ALOX15B: variants seen among roughly 807,000 people sequenced by gnomAD.
The protein encoded by ALOX15B is arachidonate 15-lipoxygenase type B.
ALOX15B carries 74 observed loss-of-function variants against 73.8 expected under a neutral mutation model. The ratio of observed to expected loss-of-function variants is 1.00; its 90% CI spans 0.83 to 1.22. ALOX15B has a LOEUF of 1.22. Ranked by LOEUF, ALOX15B falls within the 50% of genes most tolerant of loss-of-function variation. ALOX15B has a pLI of 0.00. For missense variants in ALOX15B, 896 were observed against 859.9 expected (o/e 1.04, Z -0.52); for synonymous variants, 353 against 357.2 (o/e 0.99, Z 0.13).
chr17:8,042,923 G>A, intron 5 of ALOX15B, 39 bp downstream of exon 5: 1 of 1,497,214 alleles, frequency 6.7e-7, no homozygotes, highest in South Asian at 1.2e-5. Flanking sequence ...CTCTTTCCTG[G>A]GGCATCAGCT....
At chr17:8,040,032 G>C in intron 3 of ALOX15B, 49 bp downstream of exon 3, 3 of 1,566,954 alleles carry the variant, frequency 1.9e-6, no homozygotes, top group Non-Finnish European at 2.6e-6. Flanking sequence ...ACGATGAGGG[G>C]CAGCTTGAGT....
At position 8,048,920 on chromosome 17, in the gene ALOX15B, A is replaced by G. The variant is rs952662067; in HGVS notation, c.*355A>G. ...AGCACATAATCCCGCCCCAGGGCCC[A>G]CTAGCATCCACTGATTGGACCTTAT... On this transcript the variant is annotated 3_prime_UTR_variant, in exon 14 of 14. Coordinates refer to ENST00000380183, the MANE Select transcript of ALOX15B (RefSeq NM_001141.3). 4.5e-5 allele frequency: 8 copies of G among 177,608 alleles called. No homozygotes were observed. The highest frequency in any genetic ancestry group is 1.7e-4 in the African/African-American group (7 of 42,186). The allele number at this position is 177,608 out of a possible 1,614,324, so 11.0% of individuals were successfully genotyped here.
chr17:8,048,035 C>T, intron 13 of ALOX15B, 120 bp downstream of exon 13: 1 of 1,182,654 alleles, frequency 8.5e-7, no homozygotes, highest in Non-Finnish European at 1.2e-6. Flanking sequence ...CCCCACTGAC[C>T]CTCCAGTGGG....
Position 8,047,266 on chromosome 17 carries a change from C to G in ALOX15B, c.1466C>G (p.Ser489Cys), listed in dbSNP as rs1460490422. ...ACCTGGATGCATTGCAGCTTTGTCT[C>G]TGAAATCATCGGTATCTACTACCCA... ...QIWGAVERFV[S>C]EIIGIYYPSD... The change falls in exon 11 of 14, where the codon TCT (serine) becomes TGT (cysteine). Residue 489 changes from serine to cysteine, a missense_variant. Ser to Cys is a moderately radical substitution (Grantham distance 112, BLOSUM62 -1). Transcript: ENST00000380183. The G allele has an allele frequency of 6.2e-7, 1 of 1,614,040 alleles. No homozygotes were observed. The highest frequency in any genetic ancestry group is 1.7e-5 in the Admixed American group (1 of 60,014).
intron 3 of ALOX15B, among the ~76,000 whole-genome samples, chr17:8,040,606 A>G (rs1052049305): frequency 9.3e-6 from 1 of 107,108 alleles, no homozygotes; most frequent in Non-Finnish European, 2.1e-5. Context: ...AGAGAGAGAA[A>G]GAAAGAAAGA....
intron 8 of ALOX15B, 39 bp from the exon 9 acceptor site, chr17:8,046,629 C>G: frequency 6.3e-7 from 1 of 1,594,262 alleles, no homozygotes; most frequent in Non-Finnish European, 8.6e-7. Flanking sequence ...CCAGAACAAC[C>G]CAGGCCTCCC....
At chr17:8,043,199 A>T (rs1356951234) in intron 5 of ALOX15B, among the ~76,000 whole-genome samples, 5 of 152,160 alleles carry the variant, frequency 3.3e-5, no homozygotes, top group African/African-American at 9.7e-5. Context: ...CAAATAATTC[A>T]TTTCACTGTG....
rs560720220 is a variant in ALOX15B, at chr17:8,040,010, G to C, written c.449+27G>C. The C allele has an allele frequency of 3.0e-5, 49 of 1,607,256 alleles. No individual in the cohort carries two copies. In the South Asian group the frequency reaches 5.3e-4, roughly 17 times the overall value. On this transcript the variant is annotated intron_variant, in intron 3 of 13. Transcript: ENST00000380183. ...TGAGGAGGGGGTTACTGATGGGGGA[G>C]GGTGTGCCCAAACGATGAGGGGCAG...
chr17:8,047,943 G>A, intron 13 of ALOX15B, 28 bp downstream of exon 13: 1 of 1,610,422 alleles, frequency 6.2e-7, no homozygotes, highest in South Asian at 1.1e-5. Flanking sequence ...GGCCAGGCTG[G>A]GCCAAATTGG....
intron 4 of ALOX15B, 67 bp downstream of exon 4, chr17:8,042,558 C>T (rs1196441686): frequency 1.3e-6 from 2 of 1,582,480 alleles, no homozygotes; most frequent in Non-Finnish European, 1.7e-6. Context: ...TTCTGCCCTC[C>T]CCTAGTCAGT....
intron 4 of ALOX15B, 25 bp from the exon 5 acceptor site, chr17:8,042,756 C>A: frequency 6.5e-7 from 1 of 1,538,114 alleles, no homozygotes; most frequent in Non-Finnish European, 8.8e-7. Flanking sequence ...CCTCCCCACT[C>A]CCCACCCCTC....
At position 8,039,986 on chromosome 17, in the gene ALOX15B, G is replaced by A; in HGVS notation, c.449+3G>A. On this transcript the variant is annotated splice_donor_region_variant and intron_variant, in intron 3 of 13. Coordinates refer to ENST00000380183, the MANE Select transcript of ALOX15B (RefSeq NM_001141.3). ...CAGGCCCGGCAGGAGATGTACCAGT[G>A]AGGAGGGGGTTACTGATGGGGGAGG... The A allele has an allele frequency of 1.2e-6, 2 of 1,613,332 alleles. No individual in the cohort carries two copies. Among genetic ancestry groups the A allele is most frequent in the East Asian group, 2.2e-5 (1 of 44,850 alleles).
At chr17:8,047,224 T>C in intron 10 of ALOX15B, 34 bp from the exon 11 acceptor site, 1 of 1,613,398 alleles carries the variant, frequency 6.2e-7, no homozygotes, top group Non-Finnish European at 8.5e-7. Context: ...CGGGTCGGGG[T>C]TGGAGGCTGG....
intron 12 of ALOX15B, 38 bp from the exon 13 acceptor site, chr17:8,047,707 C>T (rs2151815390): frequency 6.2e-7 from 1 of 1,613,796 alleles, no homozygotes; most frequent in South Asian, 1.1e-5. Flanking sequence ...TGGAGGTGAC[C>T]CAGCTCCTCA....
At position 8,039,494 on chromosome 17, in the gene ALOX15B, G is replaced by A. The variant is rs1207237805; in HGVS notation, c.256G>A (p.Ala86Thr). The part of the protein sequence containing the change: ...LPLLGPLAPD[A>T]WFCRWFQLTP... ...CCTGCTGGGGCCCCTGGCCCCGGAT[G>A]CCTGGTTCTGCCGCTGGTTCCAGCT... The change falls in exon 2 of 14, where the codon GCC becomes ACC. Residue 86 changes from alanine to threonine, a missense_variant. Physicochemically the swap from Ala to Thr is moderately conservative, Grantham distance 58. Transcript: ENST00000380183. The A allele has an allele frequency of 6.3e-7, 1 of 1,576,434 alleles. No homozygotes were observed. The highest frequency in any genetic ancestry group is 1.4e-5 in the African/African-American group (1 of 73,826).
chr17:8,042,532 C>T, intron 4 of ALOX15B, 41 bp downstream of exon 4: 1 of 1,605,998 alleles, frequency 6.2e-7, no homozygotes, highest in Non-Finnish European at 8.5e-7. Flanking sequence ...GCCTCAGATG[C>T]CCTATGACCT....
At chr17:8,048,317 G>T in intron 13 of ALOX15B, 69 bp from the exon 14 acceptor site, 1 of 1,535,072 alleles carries the variant, frequency 6.5e-7, no homozygotes. Context: ...TGCTCAGATA[G>T]TGGGGACCAG....
At chr17:8,044,715 G>T in intron 5 of ALOX15B, 114 bp from the exon 6 acceptor site, 1 of 914,136 alleles carries the variant, frequency 1.1e-6, no homozygotes, top group Non-Finnish European at 1.7e-6. Flanking sequence ...AGGACACACT[G>T]TGAAGATTAG....
In ALOX15B at chr17:8,045,593, G is replaced by T. The variant is rs368688641; in HGVS notation, c.1107G>T (p.Glu369Asp). Reference protein sequence around the residue: ...WVRNAEFSFHEALTHLLHSHL... With the variant: ...WVRNAEFSFHDALTHLLHSHL... ...GCAATGCCGAGTTCTCCTTCCATGAGGCCCTCACGCACCTGCTGCACTCAC... is the reference window on the plus strand; with the variant it reads ...GCAATGCCGAGTTCTCCTTCCATGATGCCCTCACGCACCTGCTGCACTCAC... The change falls in exon 8 of 14, where the codon GAG becomes GAT. Residue 369 changes from glutamate (E) to aspartate (D), a missense_variant. Physicochemically the swap from Glu to Asp is conservative, Grantham distance 45. Transcript: ENST00000380183. 10 of 1,613,994 alleles carry T rather than the reference G, an allele frequency of 6.2e-6. No individual in the cohort carries two copies. Among genetic ancestry groups the T allele is most frequent in the Non-Finnish European group, 8.5e-6 (10 of 1,180,040 alleles).
Sources: gnomAD v4.1 joint callset for allele counts (sites outside exome capture counted in the v4.1 genomes callset) on GRCh38, gnomAD v4.1.1 for gene constraint, MANE v1.5 for transcripts, NCBI Gene and HGNC (gene_info 2026-07-23, HGNC 2026-07-21) for gene names.